Variants in RARG observed in about 807,000 individuals in gnomAD.
RARG encodes RAR-gamma.
In RARG, 17 loss-of-function variants were observed where a neutral mutation model predicts 43.7. The observed-to-expected ratio is 0.39, with a 90% CI of 0.27 to 0.58. The LOEUF (loss-of-function observed/expected upper bound fraction) is 0.58, where lower values mean the gene tolerates loss of function less well. Among genes scored for constraint, RARG ranks in the 20% least tolerant of loss-of-function variants. RARG has a pLI of 0.57. For missense variants in RARG, 346 were observed against 598.7 expected, an observed-to-expected ratio of 0.58 and a Z score of 4.40; for synonymous variants, 238 against 236.4, an observed-to-expected ratio of 1.01 and a Z score of -0.06.
chr12:53,226,233 T>C (rs1357417264), intron 3 of RARG, among the ~76,000 whole-genome samples: 2 of 151,856 alleles, frequency 1.3e-5, no homozygotes, highest in African/African-American at 4.8e-5. Flanking sequence ...GTTCAAGTGC[T>C]TCTCCTCCCT....
chr12:53,215,507 G>C lies in RARG; in HGVS notation c.334-73C>G. 6.2e-7 allele frequency: 1 copy of C among 1,602,806 alleles called. No individual in the cohort carries two copies. Among genetic ancestry groups the C allele is most frequent in the Non-Finnish European group, 8.5e-7 (1 of 1,171,682 alleles). ...GTACCAGCCTCTCACTGGCCTTGCAGGTTGCCCCAAGCCTGACCTAATCTA... is the reference window on the plus strand; with the variant it reads ...GTACCAGCCTCTCACTGGCCTTGCACGTTGCCCCAAGCCTGACCTAATCTA... On this transcript the variant is annotated intron_variant, in intron 4 of 9. Coordinates refer to ENST00000425354, the MANE Select transcript of RARG (RefSeq NM_000966.6). The surrounding 1 kb of genome is among the most constrained non-coding windows in gnomAD (Gnocchi z 6.4).
chr12:53,218,138 CCAGA>C (rs1260441195), intron 3 of RARG, among the ~76,000 whole-genome samples: 1 of 152,120 alleles, frequency 6.6e-6, no homozygotes, highest in Non-Finnish European at 1.5e-5. Flanking sequence ...AGCCCTACCA[CCAGA>C]CAAACACCCC....
intron 3 of RARG, among the ~76,000 whole-genome samples, chr12:53,217,264 G>C (rs78502075): frequency 0.029 from 4,390 of 152,266 alleles, 127 homozygotes; most frequent in South Asian, 0.11. Context: ...ACTAGGGATG[G>C]GGGCTCCAGG....
intron 1 of RARG, chr12:53,231,451 C>CCTATG (rs1464040333): frequency 6.6e-6 from 1 of 152,300 alleles, no homozygotes; most frequent in Non-Finnish European, 1.5e-5. Flanking sequence ...AGATCCCTAT[C>CCTATG]CTATGCACCA....
chr12:53,223,523 G>GCCCCCC (rs139275762), intron 3 of RARG, among the ~76,000 whole-genome samples: 3 of 103,694 alleles, frequency 2.9e-5, no homozygotes, highest in Admixed American at 9.6e-5. Context: ...GGCTCCCCCC[G>GCCCCCC]CCCCCCCCCC....
chr12:53,217,007 CCTT>C (rs1942791117), intron 3 of RARG, among the ~76,000 whole-genome samples: 1 of 152,070 alleles, frequency 6.6e-6, no homozygotes, highest in Non-Finnish European at 1.5e-5. Context: ...CTCATGAACA[CCTT>C]CTCCCTTCTA....
intron 3 of RARG, among the ~76,000 whole-genome samples, chr12:53,219,329 A>T (rs2120670480): frequency 6.6e-6 from 1 of 152,272 alleles, no homozygotes; most frequent in South Asian, 2.1e-4. Context: ...TTGTGTGCAC[A>T]ACCTTTTCCA....
chr12:53,215,725 C>T lies in RARG; in HGVS notation c.254G>A (p.Arg85Gln), dbSNP rs1942741410. ...PSSPSPPPPP[R>Q]VYKPCFVCND... The stretch of plus-strand genomic sequence containing the variant: ...GCACACGAAGCATGGCTTGTAGACC[C>T]GAGGAGGCGGAGGGGGCGAGGGCGA... Residue 85 changes from arginine to glutamine, a missense_variant, in exon 4 of 10, where the codon CGG (arginine) becomes CAG (glutamine). Physicochemically the swap from Arg to Gln is conservative, Grantham distance 43. Around this residue, in one of 8 missense-constraint regions of RARG, gnomAD observed 50 missense variants for 117.7 expected, o/e 0.42. Transcript: ENST00000425354. The surrounding 1 kb of genome is among the most constrained non-coding windows in gnomAD (Gnocchi z 6.4). 4 of 1,613,314 alleles carry T rather than the reference C, an allele frequency of 2.5e-6. No homozygotes were observed. Among genetic ancestry groups the T allele is most frequent in the Admixed American group, 1.7e-5 (1 of 59,908 alleles).
rs1565730704 is a variant in RARG at position 53,227,103 on chromosome 12, AC to A, written c.184+258del. ...ACCCAGGAGGCAGTTTTAGATACCC[AC>A]CCCCCAAGTTTTAGGCCTGCTACCT... is the stretch of plus-strand genomic sequence containing the variant. On this transcript the variant is annotated intron_variant, in intron 3 of 9. Transcript: ENST00000425354. The surrounding 1 kb of genome is among the most constrained non-coding windows in gnomAD (Gnocchi z 4.3). Among the ~76,000 whole-genome samples the A allele has an allele frequency of 6.6e-6, 1 of 150,762 alleles. No individual in the cohort carries two copies.
intron 3 of RARG, chr12:53,220,037 C>T: frequency 6.5e-7 from 1 of 1,541,274 alleles, no homozygotes; most frequent in Non-Finnish European, 8.8e-7. Context: ...AAGCCGGCCC[C>T]GGGCCCGGCC....
At position 53,232,015 on chromosome 12, in the gene RARG, C is replaced by A; in HGVS notation, c.-251G>T. The A allele has an allele frequency of 2.5e-6, 1 of 397,908 alleles. No individual in the cohort carries two copies. The highest frequency in any genetic ancestry group is 3.6e-5 in the East Asian group (1 of 28,044). The allele number at this position is 397,908 out of a possible 1,614,324, so 24.6% of individuals were successfully genotyped here. A position where few individuals can be genotyped will look rare whatever the true frequency, so the allele number is the denominator to read the frequency against. ...AAGGGAGGCGGCGGAGCCCCGAGGT[C>A]CCGGCGTCGGGCAGTCTCTTGGATG... On this transcript the variant is annotated 5_prime_UTR_variant, in exon 1 of 10. Transcript: ENST00000425354.
At chr12:53,230,087 G>T in intron 2 of RARG, 1 of 630,556 alleles carries the variant, frequency 1.6e-6, no homozygotes, top group Non-Finnish European at 2.0e-6. Context: ...TAAACCCAGG[G>T]TAGGAGAATG....
chr12:53,211,587 G>C lies in RARG; in HGVS notation c.*89C>G, dbSNP rs924825099. 1.6e-6 allele frequency: 2 copies of C among 1,225,916 alleles called. No homozygotes were observed. The allele number at this position is 1,225,916 out of a possible 1,614,324, so 75.9% of individuals were successfully genotyped here. ...GAAGGGGTGGGGAGAGGGCAGAGCAGGTCCTCCCCCAGTCACTGGCGGTCT... is the reference window on the plus strand; with the variant it reads ...GAAGGGGTGGGGAGAGGGCAGAGCACGTCCTCCCCCAGTCACTGGCGGTCT... On this transcript the variant is annotated 3_prime_UTR_variant, in exon 10 of 10. Coordinates refer to ENST00000425354, the MANE Select transcript of RARG (RefSeq NM_000966.6). This position sits in a 1 kb window ranked among gnomAD's most constrained non-coding sequence, Gnocchi z 4.6.
At chr12:53,224,829 C>T (rs545785625) in intron 3 of RARG, among the ~76,000 whole-genome samples, 1 of 152,290 alleles carries the variant, frequency 6.6e-6, no homozygotes, top group South Asian at 2.1e-4. Context: ...CTTTCAGCCC[C>T]CTCCTTCAGC....
intron 3 of RARG, among the ~76,000 whole-genome samples, chr12:53,221,072 C>G (rs1016473004): frequency 1.3e-5 from 2 of 152,114 alleles, no homozygotes; most frequent in African/African-American, 4.8e-5. Flanking sequence ...GGGAACCCCC[C>G]TCGGGGCGGG....
Position 53,219,887 on chromosome 12 carries a change from C to G in RARG, c.185-4093G>C. 2.2e-6 allele frequency: 3 copies of G among 1,376,086 alleles called. No homozygotes were observed. In the South Asian group the frequency reaches 4.7e-5, roughly 21 times the overall value. The allele number at this position is 1,376,086 out of a possible 1,614,324, so 85.2% of individuals were successfully genotyped here. ...GCACCTCAGTTCCACTCTTTACACACGGAAAGAGTAAATCCCACCCTCTCC... is the reference window on the plus strand; with the variant it reads ...GCACCTCAGTTCCACTCTTTACACAGGGAAAGAGTAAATCCCACCCTCTCC... On this transcript the variant is annotated intron_variant, in intron 3 of 9. Transcript: ENST00000425354.
chr12:53,220,390 TGGAGGGGTGGGGGGTGGG>T, intron 3 of RARG: 1 of 136,460 alleles, frequency 7.3e-6, no homozygotes, highest in African/African-American at 7.3e-5. Flanking sequence ...AAGCGAAGCC[TGGAGGGGTGGGGGGTGGG>T]GCTTGGAGAG....
intron 3 of RARG, chr12:53,219,935 G>C: frequency 6.7e-7 from 1 of 1,496,666 alleles, no homozygotes; most frequent in Non-Finnish European, 8.9e-7. Context: ...CCCAGCCCCG[G>C]ACTCCGGTAC....
Position 53,213,054 on chromosome 12 carries a change from G to A in RARG, c.1177+31C>T. ...CCTGGGAGACCAACAGCCCTGGGAA[G>A]ACAGAGAGGGGACACCCACTCATGA... On this transcript the variant is annotated intron_variant, in intron 9 of 9. Transcript: ENST00000425354. The surrounding 1 kb of genome is among the most constrained non-coding windows in gnomAD (Gnocchi z 4.7). 6.3e-7 allele frequency: 1 copy of A among 1,588,150 alleles called. No individual in the cohort carries two copies. Among genetic ancestry groups the A allele is most frequent in the Non-Finnish European group, 8.6e-7 (1 of 1,164,706 alleles).
Sources: allele counts gnomAD v4.1 joint callset (sites outside exome capture counted in the v4.1 genomes callset), GRCh38; gene constraint gnomAD v4.1.1; regional missense constraint gnomAD v4.1.1; non-coding constraint Gnocchi (gnomAD v3.1); transcripts MANE v1.5; gene names NCBI Gene and HGNC (gene_info 2026-07-23, HGNC 2026-07-21).